GABRG1: variants seen among roughly 807,000 people sequenced by gnomAD.
GABRG1 encodes gamma-aminobutyric acid type A receptor subunit gamma1, also known as gamma-aminobutyric acid receptor subunit gamma-1.
GABRG1 carries 49 observed loss-of-function variants against 49.8 expected under a neutral mutation model. That is an observed-to-expected ratio of 0.98 (90% CI 0.78 to 1.25). GABRG1 has a LOEUF of 1.25. Among genes scored for constraint, GABRG1 ranks in the 50% most tolerant of loss-of-function variants. The pLI is 0.00. For synonymous variants in GABRG1, 232 were observed against 185.1 expected (o/e 1.25, Z -2.06); for missense variants, 552 against 552.3 (o/e 1.00, Z 0.01).
chr4:46,065,745 CAG>C (rs1281849536), intron 3 of GABRG1, among the ~76,000 whole-genome samples, 161 bp from the exon 4 acceptor site: 2 of 151,868 alleles, frequency 1.3e-5, no homozygotes, highest in Non-Finnish European at 2.9e-5. Context: ...TTTTTTGAGA[CAG>C]AGTCTCGCTC....
intron 1 of GABRG1, among the ~76,000 whole-genome samples, chr4:46,117,171 C>A (rs145954454): frequency 6.9e-4 from 104 of 150,502 alleles, no homozygotes; most frequent in African/African-American, 2.5e-3. Context: ...ATATTAAACT[C>A]ACTATTTTAT....
chr4:46,078,537 C>T (rs566000583), intron 3 of GABRG1, among the ~76,000 whole-genome samples: 1 of 151,896 alleles, frequency 6.6e-6, no homozygotes, highest in African/African-American at 2.4e-5. Flanking sequence ...CTATGGAATG[C>T]CGGAACCAAT....
At chr4:46,097,870 G>A (rs1560369743) in intron 1 of GABRG1, among the ~76,000 whole-genome samples, 1 of 151,680 alleles carries the variant, frequency 6.6e-6, no homozygotes, top group Non-Finnish European at 1.5e-5. Flanking sequence ...TGTACATACT[G>A]TTGCTCATTT....
At chr4:46,097,117 G>A (rs1338480014) in intron 2 of GABRG1, 84 bp downstream of exon 2, 19 of 1,193,480 alleles carry the variant, frequency 1.6e-5, no homozygotes, top group Non-Finnish European at 1.9e-5. Context: ...AGACACTCAA[G>A]GAATAAGAAA....
intron 1 of GABRG1, among the ~76,000 whole-genome samples, chr4:46,106,364 A>T (rs114573463): frequency 3.8e-4 from 58 of 151,544 alleles, no homozygotes; most frequent in African/African-American, 1.3e-3. Context: ...ATAATTAGTC[A>T]TTTATGTATT....
At chr4:46,043,625 GAATA>G (rs1258837520) in intron 8 of GABRG1, among the ~76,000 whole-genome samples, 1 of 151,678 alleles carries the variant, frequency 6.6e-6, no homozygotes, top group Non-Finnish European at 1.5e-5. Context: ...AGTTTCTCAA[GAATA>G]GACCCTGCCT....
chr4:46,117,784 GTA>G (rs1720960208), intron 1 of GABRG1, among the ~76,000 whole-genome samples: 2 of 128,932 alleles, frequency 1.6e-5, no homozygotes, highest in African/African-American at 5.7e-5. Flanking sequence ...ATACATACAT[GTA>G]TATACATATA....
chr4:46,039,355 A>G lies in GABRG1; in HGVS notation c.*1633T>C, dbSNP rs889608826. ...AAAAAATAGAGTTAGCTGGGAACACACAGTAAATTATAAATAAATTAATTA... is the reference window on the plus strand; with the variant it reads ...AAAAAATAGAGTTAGCTGGGAACACGCAGTAAATTATAAATAAATTAATTA... On this transcript the variant is annotated 3_prime_UTR_variant, in exon 9 of 9. Transcript: ENST00000295452. The G allele has an allele frequency of 6.6e-6, 1 of 151,684 alleles. No individual in the cohort carries two copies. The highest frequency in any genetic ancestry group is 1.5e-5 in the Non-Finnish European group (1 of 67,750). The allele number at this position is 151,684 out of a possible 1,614,324, so 9.4% of individuals were successfully genotyped here.
chr4:46,064,567 T>A, intron 4 of GABRG1, 44 bp from the exon 5 acceptor site: 1 of 1,039,426 alleles, frequency 9.6e-7, no homozygotes, highest in South Asian at 1.9e-5. Flanking sequence ...ATAAATAATT[T>A]GAAGCATTAA....
At chr4:46,047,977 A>T (rs1718067965) in intron 8 of GABRG1, among the ~76,000 whole-genome samples, 1 of 152,060 alleles carries the variant, frequency 6.6e-6, no homozygotes, top group African/African-American at 2.4e-5. Context: ...TAAAATCAGG[A>T]AACTAAAAAT....
chr4:46,042,895 T>A (rs115071803), intron 8 of GABRG1, among the ~76,000 whole-genome samples: 194 of 151,958 alleles, frequency 1.3e-3, no homozygotes, highest in Non-Finnish European at 2.3e-3. Context: ...CTTAGCTATA[T>A]CACAAAAAGC....
intron 8 of GABRG1, among the ~76,000 whole-genome samples, chr4:46,043,645 A>C (rs1296395374): frequency 1.3e-5 from 2 of 152,014 alleles, no homozygotes; most frequent in African/African-American, 2.4e-5. Context: ...TGCCTTCCCC[A>C]AAAAAGCAAA....
intron 2 of GABRG1, among the ~76,000 whole-genome samples, chr4:46,096,380 A>G (rs1378235616): frequency 2.6e-5 from 4 of 151,650 alleles, no homozygotes; most frequent in South Asian, 2.1e-4. Context: ...CGAAGGTAAA[A>G]CTAGAACAAA....
chr4:46,036,332 GA>G lies in GABRG1; in HGVS notation c.*4655del, dbSNP rs887665919. The G allele has an allele frequency of 7.3e-5, 11 of 151,708 alleles. No individual in the cohort carries two copies. Among genetic ancestry groups the G allele is most frequent in the Admixed American group, 6.6e-4 (10 of 15,204 alleles). 9.4% of individuals were successfully genotyped at this position (151,708 alleles called of 1,614,324 possible). On this transcript the variant is annotated 3_prime_UTR_variant, in exon 9 of 9. Coordinates refer to ENST00000295452, the MANE Select transcript of GABRG1 (RefSeq NM_173536.4). ...TATATATGTATGTATGTCTCAGTTA[GA>G]AAACTGGAAATGGTTATTTGAATAG...
At chr4:46,103,404 A>G (rs1295917891) in intron 1 of GABRG1, among the ~76,000 whole-genome samples, 1 of 151,568 alleles carries the variant, frequency 6.6e-6, no homozygotes, top group East Asian at 1.9e-4. Context: ...GTACTTCCTC[A>G]TAAAAACTTC....
intron 7 of GABRG1, among the ~76,000 whole-genome samples, chr4:46,053,313 G>C (rs1718307496): frequency 6.6e-6 from 1 of 151,786 alleles, no homozygotes; most frequent in Non-Finnish European, 1.5e-5. Context: ...GTGCTCTGAA[G>C]TTAGGTGTAG....
intron 2 of GABRG1, among the ~76,000 whole-genome samples, chr4:46,091,946 C>T (rs1218218333): frequency 6.6e-6 from 1 of 151,844 alleles, no homozygotes; most frequent in Non-Finnish European, 1.5e-5. Context: ...TACATTTTAT[C>T]TTCAAAATAG....
chr4:46,115,396 T>C (rs1380566431), intron 1 of GABRG1, among the ~76,000 whole-genome samples: 4 of 150,662 alleles, frequency 2.7e-5, no homozygotes, highest in Non-Finnish European at 6.0e-5. Context: ...GAAAACAAAA[T>C]TAGATTCCCA....
chr4:46,083,898 TA>T (rs1719661721), intron 3 of GABRG1, 87 bp downstream of exon 3: 1 of 757,286 alleles, frequency 1.3e-6, no homozygotes, highest in Non-Finnish European at 2.3e-6. Context: ...GAATTAACTA[TA>T]AAAAATTACT....
Sources: allele counts gnomAD v4.1 joint callset (sites outside exome capture counted in the v4.1 genomes callset), GRCh38; gene constraint gnomAD v4.1.1; transcripts MANE v1.5; gene names NCBI Gene and HGNC (gene_info 2026-07-23, HGNC 2026-07-21).